OR5V1: variants seen among roughly 807,000 people sequenced by gnomAD.
The protein encoded by OR5V1 is olfactory receptor family 5 subfamily V member 1.
For synonymous variants in OR5V1, 134 were observed against 143.2 expected, an observed-to-expected ratio of 0.94 and a Z score of 0.46; for missense variants, 365 against 371.5, an observed-to-expected ratio of 0.98 and a Z score of 0.14.
At chr6:29,363,699 CAT>C (rs888794744) in intron 1 of OR5V1, among the ~76,000 whole-genome samples, 34 of 152,140 alleles carry the variant, frequency 2.2e-4, no homozygotes, top group African/African-American at 7.5e-4. Flanking sequence ...ACAAAAACCA[CAT>C]GATTATCTCA....
At chr6:29,358,437 G>A (rs1778418026) in intron 1 of OR5V1, among the ~76,000 whole-genome samples, 1 of 152,160 alleles carries the variant, frequency 6.6e-6, no homozygotes, top group South Asian at 2.1e-4. Context: ...ACTACTATGT[G>A]ATCCAGCAAT....
In OR5V1 at chr6:29,359,484, T is replaced by C. The variant is rs148100581; in HGVS notation, c.-82-3207A>G. 7.2e-5 allele frequency among the ~76,000 whole-genome samples: 11 copies of C among 152,262 alleles called. No individual in the cohort carries two copies. In the Middle Eastern group the frequency reaches 0.01, roughly 141 times the overall value. ...TGGCTGGGGGTGTCATTCTCTGAAA[T>C]GAAAGCAGGAAATTGGCACTTGTTG... On this transcript the variant is annotated intron_variant, in intron 1 of 1. Coordinates refer to ENST00000641768, the MANE Select transcript of OR5V1 (RefSeq NM_030876.6).
chr6:29,367,699 C>G (rs1778917949), intron 1 of OR5V1, among the ~76,000 whole-genome samples: 1 of 152,086 alleles, frequency 6.6e-6, no homozygotes, highest in South Asian at 2.1e-4. Context: ...ATTTCCAAAT[C>G]TAGAACAACA....
intron 1 of OR5V1, among the ~76,000 whole-genome samples, chr6:29,365,128 C>T (rs200475656): frequency 1.3e-5 from 2 of 152,062 alleles, no homozygotes; most frequent in East Asian, 3.8e-4. Context: ...CCCTCCCTTA[C>T]ACCTTATACA....
At chr6:29,357,406 T>A (rs1778367361) in intron 1 of OR5V1, among the ~76,000 whole-genome samples, 1 of 152,178 alleles carries the variant, frequency 6.6e-6, no homozygotes, top group Admixed American at 6.5e-5. Flanking sequence ...AAAGCTAATA[T>A]ACTTTCAGTT....
chr6:29,365,737 G>A (rs746848771), intron 1 of OR5V1, among the ~76,000 whole-genome samples: 2 of 152,114 alleles, frequency 1.3e-5, no homozygotes, highest in Non-Finnish European at 2.9e-5. Flanking sequence ...ATTGTGGAAG[G>A]CAGTGTGGCA....
At position 29,354,856 on chromosome 6, in the gene OR5V1, A is replaced by G. The variant is rs1778176789; in HGVS notation, c.*374T>C. On this transcript the variant is annotated 3_prime_UTR_variant, in exon 2 of 2. Transcript: ENST00000641768. The stretch of plus-strand genomic sequence containing the variant: ...GCATGGCTTAAGTAGTAAGAACAGA[A>G]AAATATGACACACATATGAGGAATG... The G allele has an allele frequency of 6.0e-6, 1 of 166,228 alleles. No homozygotes were observed. Among genetic ancestry groups the G allele is most frequent in the African/African-American group, 2.4e-5 (1 of 42,064 alleles). The allele number at this position is 166,228 out of a possible 1,614,324, so 10.3% of individuals were successfully genotyped here. A position where few individuals can be genotyped will look rare whatever the true frequency, so the allele number is the denominator to read the frequency against.
At chr6:29,361,057 C>T (rs7754402) in intron 1 of OR5V1, among the ~76,000 whole-genome samples, 95,233 of 151,738 alleles carry the variant, frequency 0.63, 30,590 homozygotes, top group Middle Eastern at 0.76. Flanking sequence ...TTACAGGAAC[C>T]GCTAACTAGA....
At chr6:29,367,971 C>A (rs1778935516) in intron 1 of OR5V1, among the ~76,000 whole-genome samples, 1 of 152,110 alleles carries the variant, frequency 6.6e-6, no homozygotes. Flanking sequence ...CCTCTAAGAA[C>A]CCACAAGGAG....
chr6:29,358,411 A>G (rs1191288067), intron 1 of OR5V1, among the ~76,000 whole-genome samples: 7 of 152,308 alleles, frequency 4.6e-5, no homozygotes, highest in African/African-American at 1.4e-4. Flanking sequence ...AGTTTCTTCA[A>G]AAAACTAAAA....
Position 29,355,780 on chromosome 6 carries a change from A to G in OR5V1, c.416T>C (p.Val139Ala), listed in dbSNP as rs1778259112. 1 of 1,614,042 alleles carries G rather than the reference A, an allele frequency of 6.2e-7. No homozygotes were observed. Among genetic ancestry groups the G allele is most frequent in the Non-Finnish European group, 8.5e-7 (1 of 1,179,964 alleles). ...PLRYSVILSK[V>A]LCNQLAASCW... ...TGAGGCTGCTAATTGATTGCATAGA[A>G]CCTTGCTCAGAATAACTGAATACCT... The change falls in exon 2 of 2, where the codon GTT (valine) becomes GCT (alanine). Residue 139 changes from valine to alanine, a missense_variant. Coordinates refer to ENST00000641768, the MANE Select transcript of OR5V1 (RefSeq NM_030876.6).
At chr6:29,359,535 G>C (rs1562928669) in intron 1 of OR5V1, among the ~76,000 whole-genome samples, 1 of 152,160 alleles carries the variant, frequency 6.6e-6, no homozygotes, top group Non-Finnish European at 1.5e-5. Flanking sequence ...TGGCTGAATA[G>C]GAACAGCTCT....
chr6:29,356,093 A>T lies in OR5V1; in HGVS notation c.103T>A (p.Tyr35Asn), dbSNP rs981325915. The change falls in exon 2 of 2, where the codon TAT becomes AAT. Residue 35 changes from tyrosine (Y) to asparagine (N), a missense_variant. By Grantham distance (143) the Tyr-to-Asn change is moderately radical. Coordinates refer to ENST00000641768, the MANE Select transcript of OR5V1 (RefSeq NM_030876.6). ...FLLFTIFFLTYFCTLGGNILI... is the reference protein window; with the variant it reads ...FLLFTIFFLTNFCTLGGNILI... ...ATATTTCCTCCCAAAGTACAGAAATAAGTCAGAAAGAAGATGGTGAATAGT... is the reference window on the plus strand; with the variant it reads ...ATATTTCCTCCCAAAGTACAGAAATTAGTCAGAAAGAAGATGGTGAATAGT... 1.9e-6 allele frequency: 3 copies of T among 1,613,928 alleles called. No individual in the cohort carries two copies. The highest frequency in any genetic ancestry group is 2.5e-6 in the Non-Finnish European group (3 of 1,179,902).
rs531878226 is a variant in OR5V1 at position 29,355,714 on chromosome 6, A to G, written c.482T>C (p.Val161Ala). 2 of 1,613,920 alleles carry G rather than the reference A, an allele frequency of 1.2e-6. No homozygotes were observed. Among genetic ancestry groups the G allele is most frequent in the African/African-American group, 2.7e-5 (2 of 74,930 alleles). ...ACAGAAGGGCAGGCAGAATGTCAACACTGTATGCACCACTGAGTTAAGGAA... is the reference window on the plus strand; with the variant it reads ...ACAGAAGGGCAGGCAGAATGTCAACGCTGTATGCACCACTGAGTTAAGGAA... ...AGFLNSVVHTVLTFCLPFCGN... is the reference protein window; with the variant it reads ...AGFLNSVVHTALTFCLPFCGN... The change falls in exon 2 of 2, where the codon GTG becomes GCG. Residue 161 changes from valine to alanine, a missense_variant. Coordinates refer to ENST00000641768, the MANE Select transcript of OR5V1 (RefSeq NM_030876.6).
chr6:29,355,518 C>G lies in OR5V1; in HGVS notation c.678G>C (p.Leu226Phe), dbSNP rs1456750665. The G allele has an allele frequency of 6.2e-7, 1 of 1,613,944 alleles. No individual in the cohort carries two copies. The highest frequency in any genetic ancestry group is 8.5e-7 in the Non-Finnish European group (1 of 1,179,888). ...GTCTTCCCTCTGAGGACTGGATCCT[C>G]AAGATGGTGGAGATTATGCAAATGT... Reference protein sequence around the residue: ...LSYICIISTILRIQSSEGRRK... With the variant: ...LSYICIISTIFRIQSSEGRRK... The change falls in exon 2 of 2, where the codon TTG (leucine) becomes TTC (phenylalanine). Residue 226 changes from leucine (L) to phenylalanine (F), a missense_variant. Leu to Phe is a conservative substitution (Grantham distance 22). Coordinates refer to ENST00000641768, the MANE Select transcript of OR5V1 (RefSeq NM_030876.6).
chr6:29,367,418 G>T (rs1463548703), intron 1 of OR5V1, among the ~76,000 whole-genome samples: 1 of 152,118 alleles, frequency 6.6e-6, no homozygotes, highest in African/African-American at 2.4e-5. Flanking sequence ...CGTAACTGGG[G>T]ACACAGTGGT....
intron 1 of OR5V1, among the ~76,000 whole-genome samples, chr6:29,366,877 A>G (rs951313612): frequency 1.1e-4 from 17 of 152,168 alleles, no homozygotes; most frequent in African/African-American, 3.9e-4. Context: ...CTCCCTTCTC[A>G]GGGTTTCTTA....
At chr6:29,365,012 A>G (rs1778780546) in intron 1 of OR5V1, among the ~76,000 whole-genome samples, 1 of 150,314 alleles carries the variant, frequency 6.7e-6, no homozygotes. Context: ...CAAACCTGAA[A>G]AAACCTGACA....
In OR5V1 at chr6:29,363,474, A is replaced by G. The variant is rs1778682614; in HGVS notation, c.-83+5158T>C. Among the ~76,000 whole-genome samples the G allele has an allele frequency of 3.9e-5, 6 of 152,320 alleles. No homozygotes were observed. In the South Asian group the frequency reaches 1.2e-3, roughly 32 times the overall value. Reference sequence around the variant, plus strand: ...TGAGGCCAGCATCATCCTGATACCAAAACCTGGCAAAGACACAACAAAAAA... The same window carrying G: ...TGAGGCCAGCATCATCCTGATACCAGAACCTGGCAAAGACACAACAAAAAA... On this transcript the variant is annotated intron_variant, in intron 1 of 1. Coordinates refer to ENST00000641768, the MANE Select transcript of OR5V1 (RefSeq NM_030876.6).
Sources: allele counts gnomAD v4.1 joint callset (sites outside exome capture counted in the v4.1 genomes callset), GRCh38; gene constraint gnomAD v4.1.1; transcripts MANE v1.5; gene names NCBI Gene and HGNC (gene_info 2026-07-23, HGNC 2026-07-21).